Variants in ACOX3 observed in about 807,000 individuals in gnomAD.
ACOX3 encodes peroxisomal acyl-coenzyme A oxidase 3.
In ACOX3, 73 loss-of-function variants were observed where a neutral mutation model predicts 81.5. The observed-to-expected ratio is 0.90, with a 90% confidence interval of 0.74 to 1.09. The LOEUF (loss-of-function observed/expected upper bound fraction) is 1.09. Among genes scored for constraint, ACOX3 ranks in the 50% least tolerant of loss-of-function variants. The pLI is 0.00. For synonymous variants in ACOX3, 387 were observed against 375.1 expected, an observed-to-expected ratio of 1.03 and a Z score of -0.37; for missense variants, 947 against 928.0, an observed-to-expected ratio of 1.02 and a Z score of -0.27.
intron 1 of ACOX3, among the ~76,000 whole-genome samples, chr4:8,434,697 C>T (rs929929388): frequency 6.6e-6 from 1 of 152,264 alleles, no homozygotes; most frequent in Non-Finnish European, 1.5e-5. Flanking sequence ...GGAAGCGTGG[C>T]CTGATCACCC....
intron 1 of ACOX3, chr4:8,436,245 A>G (rs947628047): frequency 6.6e-6 from 1 of 152,176 alleles, no homozygotes; most frequent in African/African-American, 2.4e-5. Flanking sequence ...CTCCGAGACC[A>G]GCCTTGGGCA....
At chr4:8,376,016 T>C (rs962539419) in intron 14 of ACOX3, among the ~76,000 whole-genome samples, 3 of 152,088 alleles carry the variant, frequency 2.0e-5, no homozygotes, top group African/African-American at 7.2e-5. Context: ...TTGCTTTTCT[T>C]TGGGGTGTAT....
In ACOX3 at chr4:8,430,921, G is replaced by A. The variant is rs551766685; in HGVS notation, c.-15+9727C>T. Among the ~76,000 whole-genome samples the A allele has an allele frequency of 3.9e-5, 6 of 152,252 alleles. No individual in the cohort carries two copies. In the South Asian group the frequency reaches 1.2e-3, roughly 32 times the overall value. On this transcript the variant is annotated intron_variant, in intron 1 of 17. Coordinates refer to ENST00000356406, the MANE Select transcript of ACOX3 (RefSeq NM_003501.3). The surrounding 1 kb of genome is among the most constrained non-coding windows in gnomAD (Gnocchi z 5.2). ...TTTGGGTCCATTGCAGGAGTGAGAGGGAGAGGGAAGCCATTTCTAGGTAGA... is the reference window on the plus strand; with the variant it reads ...TTTGGGTCCATTGCAGGAGTGAGAGAGAGAGGGAAGCCATTTCTAGGTAGA...
intron 11 of ACOX3, among the ~76,000 whole-genome samples, chr4:8,391,829 T>C (rs1024841363): frequency 1.3e-5 from 2 of 152,370 alleles, no homozygotes; most frequent in African/African-American, 2.4e-5. Context: ...CTCTTAACCA[T>C]ATAACAGCTG....
At chr4:8,435,352 C>T (rs796731311) in intron 1 of ACOX3, among the ~76,000 whole-genome samples, 1 of 152,182 alleles carries the variant, frequency 6.6e-6, no homozygotes, top group African/African-American at 2.4e-5. Flanking sequence ...AAAAATTAGC[C>T]AGGCGTGCTG....
At chr4:8,390,108 C>CAA (rs1210421384) in intron 11 of ACOX3, among the ~76,000 whole-genome samples, 10 of 133,092 alleles carry the variant, frequency 7.5e-5, no homozygotes, top group Non-Finnish European at 1.6e-4. Flanking sequence ...GTCTCAACAA[C>CAA]AACAACAACA....
rs1329935109 is a variant in ACOX3, at chr4:8,410,348, A to G, written c.551T>C (p.Ile184Thr). Residue 184 changes from isoleucine (I) to threonine (T), a missense_variant, in exon 6 of 18, where the codon ATC becomes ACC. Ile to Thr is a moderately conservative substitution (Grantham distance 89). Transcript: ENST00000356406. The part of the protein sequence containing the change: ...AHYDPATEEF[I>T]IHSPDFEAAK... ...AGCTTCGAAATCAGGGGAATGTATG[A>G]TGAATTCCTGCACAAGGGAAAATTT... 10 of 1,613,920 alleles carry G rather than the reference A, an allele frequency of 6.2e-6. No homozygotes were observed. The highest frequency in any genetic ancestry group is 7.6e-6 in the Non-Finnish European group (9 of 1,179,916).
rs1724295642 is a variant in ACOX3 at position 8,437,114 on chromosome 4, T to TG, written c.-15+3533_-15+3534insC. Among the ~76,000 whole-genome samples, 2 of 142,156 alleles carry TG rather than the reference T, an allele frequency of 1.4e-5. No individual in the cohort carries two copies. The highest frequency in any genetic ancestry group is 3.0e-5 in the Non-Finnish European group (2 of 66,152). 93.3% of individuals were successfully genotyped at this position (142,156 alleles called of 152,430 possible). Reference sequence around the variant, plus strand: ...AAATATATATATTTACATATATATGTAAAAAAATATATGTAAATATATATA... The same window carrying TG: ...AAATATATATATTTACATATATATGTGAAAAAAATATATGTAAATATATATA... On this transcript the variant is annotated intron_variant, in intron 1 of 17. Transcript: ENST00000356406. The surrounding 1 kb of genome is among the most constrained non-coding windows in gnomAD (Gnocchi z 5.2).
intron 9 of ACOX3, among the ~76,000 whole-genome samples, chr4:8,396,661 G>A (rs564071916): frequency 1.1e-4 from 15 of 139,926 alleles, no homozygotes; most frequent in African/African-American, 3.8e-4. Context: ...CTTGGTGACA[G>A]AGCAAGGCTC....
chr4:8,364,832 G>A (rs994058204), downstream of ACOX3, among the ~76,000 whole-genome samples: 1 of 152,188 alleles, frequency 6.6e-6, no homozygotes, highest in African/African-American at 2.4e-5. This position sits in a 1 kb window ranked among gnomAD's most constrained non-coding sequence, Gnocchi z 5.0. Flanking sequence ...GGCAAAACAT[G>A]AAAACCCCTC....
chr4:8,414,787 T>C lies in ACOX3; in HGVS notation c.453+67A>G, dbSNP rs1020643173. On this transcript the variant is annotated intron_variant, in intron 4 of 17. Coordinates refer to ENST00000356406, the MANE Select transcript of ACOX3 (RefSeq NM_003501.3). The surrounding 1 kb of genome is among the most constrained non-coding windows in gnomAD (Gnocchi z 6.1). ...GCACCCCCTTCTACAATCTTCTCTT[T>C]TCACAAATCTCTACAGAGATCAAGC... 9.8e-6 allele frequency: 15 copies of C among 1,526,476 alleles called. No individual in the cohort carries two copies. Among genetic ancestry groups the C allele is most frequent in the Non-Finnish European group, 5.4e-6 (6 of 1,100,992 alleles). 94.6% of individuals were successfully genotyped at this position (1,526,476 alleles called of 1,614,324 possible).
At chr4:8,438,852 G>C (rs1724404079) in intron 1 of ACOX3, 1 of 152,232 alleles carries the variant, frequency 6.6e-6, no homozygotes, top group South Asian at 2.1e-4. Context: ...GCAGGACACA[G>C]ATCTTCCTAC....
intron 1 of ACOX3, chr4:8,436,219 C>T (rs1169203047): frequency 6.6e-6 from 1 of 152,110 alleles, no homozygotes. Context: ...CTCAAGTTTA[C>T]TCTAGCAGAC....
chr4:8,365,576 C>G (rs940896781), downstream of ACOX3, among the ~76,000 whole-genome samples: 5 of 152,208 alleles, frequency 3.3e-5, no homozygotes, highest in Admixed American at 3.3e-4. Flanking sequence ...TGGGACCAGT[C>G]TCCTCTCTGC....
intron 1 of ACOX3, among the ~76,000 whole-genome samples, chr4:8,425,536 A>G (rs145046970): frequency 2.6e-3 from 392 of 151,430 alleles, no homozygotes; most frequent in African/African-American, 9.3e-3. Flanking sequence ...TTTCAAAACT[A>G]TCAAGCAGAT....
At chr4:8,410,545 C>G (rs1348248228) in intron 5 of ACOX3, among the ~76,000 whole-genome samples, 190 bp from the exon 6 acceptor site, 1 of 152,188 alleles carries the variant, frequency 6.6e-6, no homozygotes, top group Non-Finnish European at 1.5e-5. Context: ...ATTCCTGGGC[C>G]TTATGACTTA....
chr4:8,388,102 T>C (rs1410784451), intron 13 of ACOX3, among the ~76,000 whole-genome samples: 1 of 152,268 alleles, frequency 6.6e-6, no homozygotes, highest in African/African-American at 2.4e-5. Context: ...CGGCATGGGC[T>C]GGGCCCTGCT....
rs1419020517 is a variant in ACOX3, at chr4:8,382,380, A to G, written c.1538-773T>C. Among the ~76,000 whole-genome samples the G allele has an allele frequency of 6.6e-6, 1 of 152,198 alleles. No individual in the cohort carries two copies. The highest frequency in any genetic ancestry group is 2.4e-5 in the African/African-American group (1 of 41,458). On this transcript the variant is annotated intron_variant, in intron 13 of 17. Coordinates refer to ENST00000356406, the MANE Select transcript of ACOX3 (RefSeq NM_003501.3). The surrounding 1 kb of genome is among the most constrained non-coding windows in gnomAD (Gnocchi z 4.1). ...CCAGGCATGGTCCTGAGACCCCACC[A>G]GGCTGTACTGCTACTACCCCACTGA... is the stretch of plus-strand genomic sequence containing the variant.
In ACOX3 at chr4:8,367,806, CAA is replaced by C. The variant is rs535574857; in HGVS notation, c.1984-728_1984-727del. Among the ~76,000 whole-genome samples the C allele has an allele frequency of 6.3e-3, 294 of 46,642 alleles. 1 individual carries two copies. The highest frequency in any genetic ancestry group is 0.017 in the African/African-American group (276 of 15,850). 30.6% of individuals were successfully genotyped at this position (46,642 alleles called of 152,430 possible). ...GCAACACGGCGAAACCCCATCTTTACAAAAAAAAAAAAAAAAAAAAAAAAAAA... is the reference window on the plus strand; with the variant it reads ...GCAACACGGCGAAACCCCATCTTTACAAAAAAAAAAAAAAAAAAAAAAAAA... On this transcript the variant is annotated intron_variant, in intron 17 of 17. Coordinates refer to ENST00000356406, the MANE Select transcript of ACOX3 (RefSeq NM_003501.3).
Sources: allele counts gnomAD v4.1 joint callset (sites outside exome capture counted in the v4.1 genomes callset), GRCh38; gene constraint gnomAD v4.1.1; non-coding constraint Gnocchi (gnomAD v3.1); transcripts MANE v1.5; gene names NCBI Gene and HGNC (gene_info 2026-07-23, HGNC 2026-07-21).